The following TCF7L2 variants were observed in gnomAD, a reference collection of about 807,000 sequenced individuals.
TCF7L2 encodes transcription factor 7 like 2.
Under a neutral mutation model 77.9 loss-of-function variants are expected in TCF7L2, and 23 were observed. The ratio of observed to expected loss-of-function variants is 0.30; its 90% CI spans 0.21 to 0.42. The LOEUF (loss-of-function observed/expected upper bound fraction) is 0.42. Ranked by LOEUF, TCF7L2 falls within the 10% of genes least tolerant of loss-of-function variation. The probability of loss-of-function intolerance (pLI) is 1.00; values close to 1 mark genes in which losing one functional copy is unlikely to be tolerated. For synonymous variants in TCF7L2, 413 were observed against 340.2 expected (o/e 1.21, Z -2.36); for missense variants, 654 against 793.1 (o/e 0.82, Z 2.11).
intron 4 of TCF7L2, among the ~76,000 whole-genome samples, chr10:112,968,128 G>T (rs543854748): frequency 6.6e-6 from 1 of 152,302 alleles, no homozygotes; most frequent in East Asian, 1.9e-4. Flanking sequence ...ATGAGGTTGG[G>T]ACACCTTTAC....
At chr10:113,144,125 TG>T in intron 7 of TCF7L2, 100 bp downstream of exon 7, 1 of 969,206 alleles carries the variant, frequency 1.0e-6, no homozygotes, top group South Asian at 1.8e-5. Flanking sequence ...TGTGTGTGTG[TG>T]TGTGTGTGTG....
At chr10:112,995,704 G>A (rs971368578) in intron 4 of TCF7L2, among the ~76,000 whole-genome samples, 5 of 152,084 alleles carry the variant, frequency 3.3e-5, no homozygotes, top group East Asian at 3.9e-4. Flanking sequence ...TCATTCCCTC[G>A]GAGAGGCCCT....
chr10:113,072,390 T>C (rs1474665564), intron 5 of TCF7L2, among the ~76,000 whole-genome samples: 2 of 152,196 alleles, frequency 1.3e-5, no homozygotes, highest in East Asian at 3.9e-4. Flanking sequence ...AGTTTTGCTC[T>C]GTCACCCAGG....
At chr10:112,976,486 T>G (rs2135074682) in intron 4 of TCF7L2, among the ~76,000 whole-genome samples, 1 of 152,296 alleles carries the variant, frequency 6.6e-6, no homozygotes, top group African/African-American at 2.4e-5. Flanking sequence ...AGGGCTAAGA[T>G]TGTGTCTTAC....
chr10:112,983,136 T>G (rs943609488), intron 4 of TCF7L2, among the ~76,000 whole-genome samples: 8 of 143,994 alleles, frequency 5.6e-5, no homozygotes, highest in Admixed American at 2.1e-4. Context: ...TGTTTTTTTG[T>G]TTTTTTTTTG....
intron 3 of TCF7L2, among the ~76,000 whole-genome samples, chr10:112,960,369 G>T (rs2034751306): frequency 1.3e-5 from 2 of 152,212 alleles, no homozygotes; most frequent in Non-Finnish European, 2.9e-5. Context: ...GCAAGCCTGT[G>T]CTGAGAACTG....
At chr10:113,017,974 A>G (rs2047627117) in intron 4 of TCF7L2, among the ~76,000 whole-genome samples, 1 of 152,168 alleles carries the variant, frequency 6.6e-6, no homozygotes, top group South Asian at 2.1e-4. Context: ...AAAGGGCTGG[A>G]GAGAGCAGAG....
intron 5 of TCF7L2, among the ~76,000 whole-genome samples, chr10:113,118,791 C>G (rs1057234653): frequency 4.0e-5 from 6 of 151,266 alleles, no homozygotes; most frequent in Non-Finnish European, 5.9e-5. Flanking sequence ...TATCATAAAA[C>G]TCAATTGCGA....
intron 5 of TCF7L2, among the ~76,000 whole-genome samples, chr10:113,107,737 G>A (rs1167447093): frequency 2.5e-5 from 3 of 117,726 alleles, no homozygotes; most frequent in Non-Finnish European, 3.4e-5. Flanking sequence ...CTGGGCGACC[G>A]AGCGAGACTC....
intron 5 of TCF7L2, among the ~76,000 whole-genome samples, chr10:113,044,563 T>A (rs927107828): frequency 2.0e-5 from 3 of 152,154 alleles, no homozygotes; most frequent in Admixed American, 1.3e-4. Flanking sequence ...GGAGGCCCTG[T>A]GCCAGGTGCC....
At chr10:112,956,449 A>G (rs1325309068) in intron 3 of TCF7L2, among the ~76,000 whole-genome samples, 2 of 150,854 alleles carry the variant, frequency 1.3e-5, no homozygotes, top group African/African-American at 4.9e-5. Context: ...GGCATTAGAT[A>G]ATATCTTTGA....
intron 5 of TCF7L2, among the ~76,000 whole-genome samples, chr10:113,057,624 G>T (rs540541186): frequency 6.6e-6 from 1 of 152,192 alleles, no homozygotes; most frequent in East Asian, 1.9e-4. Context: ...TAATAAAATA[G>T]AAATAAATCT....
chr10:112,978,955 A>G (rs555882845), intron 4 of TCF7L2, among the ~76,000 whole-genome samples: 1 of 152,284 alleles, frequency 6.6e-6, no homozygotes. Flanking sequence ...TACATTAGGT[A>G]TATCTCCTAA....
chr10:113,107,751 CT>C (rs1400532510), intron 5 of TCF7L2, among the ~76,000 whole-genome samples: 1 of 16,170 alleles, frequency 6.2e-5, no homozygotes, highest in Admixed American at 9.3e-4. Context: ...GAGACTCCGT[CT>C]AAAAAAAAAA....
At chr10:113,141,380 G>A (rs2136851105) in intron 6 of TCF7L2, 64 bp downstream of exon 6, 3 of 1,607,172 alleles carry the variant, frequency 1.9e-6, no homozygotes, top group Non-Finnish European at 2.6e-6. Flanking sequence ...GAACCTTTGA[G>A]GCCTCCACAG....
chr10:113,070,269 T>TTATATATATATATATATATATATATA (rs34181424), intron 5 of TCF7L2, among the ~76,000 whole-genome samples: 6 of 124,124 alleles, frequency 4.8e-5, no homozygotes, highest in African/African-American at 1.8e-4. Context: ...AAAAAAAAAT[T>TTATATATATATATATATATATATATA]TATATATATA....
At chr10:113,121,774 CA>C (rs1046535299) in intron 5 of TCF7L2, among the ~76,000 whole-genome samples, 4 of 134,648 alleles carry the variant, frequency 3.0e-5, no homozygotes, top group Non-Finnish European at 6.2e-5. Flanking sequence ...CACATACACA[CA>C]ACACACACAC....
chr10:113,159,161 G>GT (rs148180800), intron 12 of TCF7L2, among the ~76,000 whole-genome samples: 24,182 of 151,258 alleles, frequency 0.16, 2,477 homozygotes, highest in Admixed American at 0.24. Context: ...TTTTATTTTA[G>GT]TTTTTTCTTT....
At chr10:113,035,009 T>A (rs753690553) in intron 4 of TCF7L2, among the ~76,000 whole-genome samples, 1 of 151,824 alleles carries the variant, frequency 6.6e-6, no homozygotes, top group Non-Finnish European at 1.5e-5. Flanking sequence ...ATCTCTTTCC[T>A]TCCTTTCTTT....
Sources: allele counts gnomAD v4.1 joint callset (sites outside exome capture counted in the v4.1 genomes callset), GRCh38; gene constraint gnomAD v4.1.1; transcripts MANE v1.5; gene names NCBI Gene and HGNC (gene_info 2026-07-23, HGNC 2026-07-21).